The following MYCBP2 variants were observed in gnomAD, a reference collection of about 807,000 sequenced individuals.
The protein encoded by MYCBP2 is MYC binding protein 2, also known as E3 ubiquitin-protein ligase MYCBP2.
A neutral mutation model predicts 525.3 loss-of-function variants in MYCBP2; 120 were observed. The ratio of observed to expected loss-of-function variants is 0.23; its 90% CI spans 0.20 to 0.27. MYCBP2 has a LOEUF of 0.27. Ranked by LOEUF, MYCBP2 falls within the 10% of genes least tolerant of loss-of-function variation. MYCBP2 has a pLI of 1.00. For missense variants in MYCBP2, 4,149 were observed against 5,657.1 expected, an observed-to-expected ratio of 0.73 and a Z score of 8.55; for synonymous variants, 1,894 against 1,955.8, an observed-to-expected ratio of 0.97 and a Z score of 0.83.
At chr13:77,186,163 T>C in intron 30 of MYCBP2, 100 bp from the exon 31 acceptor site, 1 of 835,532 alleles carries the variant, frequency 1.2e-6, no homozygotes, top group Non-Finnish European at 1.7e-6. Context: ...AAACTTTCTT[T>C]TGAATTTTTT....
intron 8 of MYCBP2, 88 bp from the exon 9 acceptor site, chr13:77,264,090 T>C: frequency 1.0e-6 from 1 of 975,858 alleles, no homozygotes. Flanking sequence ...AAAATGAGAG[T>C]TCTCCACGCA....
At chr13:77,152,481 CTAAATG>C (rs1483264869) in intron 46 of MYCBP2, among the ~76,000 whole-genome samples, 1 of 152,174 alleles carries the variant, frequency 6.6e-6, no homozygotes, top group Non-Finnish European at 1.5e-5. Context: ...AACCATGACC[CTAAATG>C]AGAACAGTTT....
At chr13:77,242,485 A>G (rs543972108) in intron 17 of MYCBP2, among the ~76,000 whole-genome samples, 2 of 152,180 alleles carry the variant, frequency 1.3e-5, no homozygotes, top group African/African-American at 4.8e-5. Flanking sequence ...CAATAGACCT[A>G]TCTTTGCAAA....
chr13:77,293,964 T>G (rs2077757857), intron 2 of MYCBP2, among the ~76,000 whole-genome samples: 1 of 151,528 alleles, frequency 6.6e-6, no homozygotes, highest in African/African-American at 2.4e-5. Context: ...TTTTTGTAAT[T>G]TGTTACAGAT....
intron 65 of MYCBP2, 122 bp from the exon 66 acceptor site, chr13:77,079,011 T>C (rs577195477): frequency 1.2e-4 from 94 of 766,136 alleles, no homozygotes; most frequent in Non-Finnish European, 1.7e-4. Flanking sequence ...TCCTTCCTGA[T>C]TGACCCCACC....
In MYCBP2 at chr13:77,189,006, T is replaced by C; in HGVS notation, c.4196A>G (p.Gln1399Arg). 1 of 1,611,788 alleles carries C rather than the reference T, an allele frequency of 6.2e-7. No individual in the cohort carries two copies. The highest frequency in any genetic ancestry group is 1.1e-5 in the South Asian group (1 of 90,792). Residue 1399 changes from glutamine (Q) to arginine (R), a missense_variant, in exon 30 of 83, where the codon CAA (glutamine) becomes CGA (arginine). Transcript: ENST00000544440. ...TAAAATGTGTACAGGTTCACTGGTTTGCTGTTTGCCTTTTGAAGCACTGCC... is the reference window on the plus strand; with the variant it reads ...TAAAATGTGTACAGGTTCACTGGTTCGCTGTTTGCCTTTTGAAGCACTGCC... ...SDGSASKGKQ[Q>R]TSEPVHILKR...
chr13:77,291,159 T>C (rs1374914289), intron 2 of MYCBP2, among the ~76,000 whole-genome samples: 1 of 152,124 alleles, frequency 6.6e-6, no homozygotes, highest in Non-Finnish European at 1.5e-5. Context: ...GACTTGTATT[T>C]AGAATATATG....
intron 43 of MYCBP2, among the ~76,000 whole-genome samples, chr13:77,163,175 T>G (rs1483630265): frequency 6.6e-6 from 1 of 152,176 alleles, no homozygotes; most frequent in East Asian, 1.9e-4. Flanking sequence ...GCTATATTAA[T>G]CCACCCTTCA....
At chr13:77,153,103 G>A (rs947079218) in intron 46 of MYCBP2, among the ~76,000 whole-genome samples, 8 of 148,366 alleles carry the variant, frequency 5.4e-5, no homozygotes, top group East Asian at 2.0e-4. Flanking sequence ...CTGTATTCAC[G>A]CATTCATCGC....
At chr13:77,086,136 T>C (rs1566454914) in intron 62 of MYCBP2, among the ~76,000 whole-genome samples, 1 of 152,166 alleles carries the variant, frequency 6.6e-6, no homozygotes, top group East Asian at 1.9e-4. Flanking sequence ...TTTCTCTTCA[T>C]TGATACTCCA....
At chr13:77,179,634 A>G (rs1292021541) in intron 34 of MYCBP2, among the ~76,000 whole-genome samples, 1 of 152,222 alleles carries the variant, frequency 6.6e-6, no homozygotes, top group Non-Finnish European at 1.5e-5. Context: ...TATTATGTAT[A>G]TTTTACTATA....
chr13:77,108,664 C>A (rs1218952907), intron 55 of MYCBP2, among the ~76,000 whole-genome samples: 2 of 152,012 alleles, frequency 1.3e-5, no homozygotes, highest in African/African-American at 2.4e-5. Context: ...ACAGCTAAAA[C>A]CTAAACCAAA....
intron 55 of MYCBP2, among the ~76,000 whole-genome samples, chr13:77,116,571 C>T (rs1256034830): frequency 1.3e-5 from 2 of 151,850 alleles, no homozygotes; most frequent in Non-Finnish European, 2.9e-5. Flanking sequence ...CGTCCTGTTG[C>T]GAATAAGAAG....
chr13:77,312,784 C>CTTT (rs1422594615), intron 1 of MYCBP2, among the ~76,000 whole-genome samples: 1 of 151,856 alleles, frequency 6.6e-6, no homozygotes, highest in African/African-American at 2.4e-5. Context: ...TATTAATAAT[C>CTTT]TAAACACTCC....
At chr13:77,148,655 A>G (rs2056000793) in intron 47 of MYCBP2, among the ~76,000 whole-genome samples, 1 of 152,116 alleles carries the variant, frequency 6.6e-6, no homozygotes, top group Non-Finnish European at 1.5e-5. Context: ...TGTTTTATCC[A>G]TGCTCATATG....
chr13:77,243,638 T>C (rs918599904), intron 16 of MYCBP2, among the ~76,000 whole-genome samples, 168 bp downstream of exon 16: 1 of 149,684 alleles, frequency 6.7e-6, no homozygotes, highest in African/African-American at 2.5e-5. Context: ...AAAAAAAGAA[T>C]CTCATCCCTT....
chr13:77,207,442 G>C (rs1278857078), intron 23 of MYCBP2, among the ~76,000 whole-genome samples: 1 of 152,108 alleles, frequency 6.6e-6, no homozygotes, highest in Admixed American at 6.5e-5. Context: ...ACCTCTTTTA[G>C]GGGTCGGGAA....
At chr13:77,256,726 A>G (rs2072256152) in intron 14 of MYCBP2, among the ~76,000 whole-genome samples, 1 of 152,258 alleles carries the variant, frequency 6.6e-6, no homozygotes, top group African/African-American at 2.4e-5. Context: ...AAGACAGGCA[A>G]TAACAAATGT....
chr13:77,278,112 T>C (rs1319943224), intron 4 of MYCBP2, among the ~76,000 whole-genome samples: 1 of 152,222 alleles, frequency 6.6e-6, no homozygotes, highest in African/African-American at 2.4e-5. Context: ...TAGATTTTTA[T>C]TTATGATGAA....
Sources: gnomAD v4.1 joint callset for allele counts (sites outside exome capture counted in the v4.1 genomes callset) on GRCh38, gnomAD v4.1.1 for gene constraint, MANE v1.5 for transcripts, NCBI Gene and HGNC (gene_info 2026-07-23, HGNC 2026-07-21) for gene names.